The following CBFA2T2 variants were observed in gnomAD, a reference collection of about 807,000 sequenced individuals.
CBFA2T2 encodes the protein protein CBFA2T2.
In CBFA2T2, 11 loss-of-function variants were observed where a neutral mutation model predicts 62.2. The ratio of observed to expected loss-of-function variants is 0.18; its 90% CI spans 0.11 to 0.29. The LOEUF (loss-of-function observed/expected upper bound fraction) is 0.29. Ranked by LOEUF, CBFA2T2 falls within the 10% of genes least tolerant of loss-of-function variation. CBFA2T2 has a pLI of 1.00. For synonymous variants in CBFA2T2, 295 were observed against 287.5 expected (o/e 1.03, Z -0.27); for missense variants, 592 against 774.1 (o/e 0.76, Z 2.79).
intron 1 of CBFA2T2, among the ~76,000 whole-genome samples, chr20:33,507,972 G>C (rs1354926907): frequency 4.6e-5 from 7 of 152,130 alleles, no homozygotes; most frequent in African/African-American, 1.7e-4. Context: ...TGAAGTTGAG[G>C]CTGGGTCAGG....
At chr20:33,594,609 TGAATCGTAG>T (rs2014809592) in intron 1 of CBFA2T2, among the ~76,000 whole-genome samples, 1 of 152,192 alleles carries the variant, frequency 6.6e-6, no homozygotes, top group African/African-American at 2.4e-5. Flanking sequence ...CCTGGCTTTT[TGAATCGTAG>T]GAAAGCCATT....
In CBFA2T2 at chr20:33,644,904, T is replaced by C; in HGVS notation, c.*258T>C. On this transcript the variant is annotated 3_prime_UTR_variant, in exon 11 of 11. Transcript: ENST00000342704. ...CCATGGCTTTCCTGGTTTGTTCCTC[T>C]CTCCACTGAAGCTGACTTAGCCGGC... 2.1e-6 allele frequency: 1 copy of C among 479,222 alleles called. No individual in the cohort carries two copies. The highest frequency in any genetic ancestry group is 3.7e-6 in the Non-Finnish European group (1 of 270,758). The allele number at this position is 479,222 out of a possible 1,614,324, so 29.7% of individuals were successfully genotyped here. A position where few individuals can be genotyped will look rare whatever the true frequency, so the allele number is the denominator to read the frequency against.
intron 1 of CBFA2T2, among the ~76,000 whole-genome samples, chr20:33,550,265 AATT>A (rs2012701780): frequency 6.6e-6 from 1 of 152,170 alleles, no homozygotes; most frequent in African/African-American, 2.4e-5. Flanking sequence ...GTAGTCTTGA[AATT>A]ATTAATTTTT....
chr20:33,613,800 G>C (rs930015812), intron 3 of CBFA2T2, among the ~76,000 whole-genome samples: 1 of 152,108 alleles, frequency 6.6e-6, no homozygotes. Context: ...TCCAGAGTAA[G>C]GTTATTGGAG....
At chr20:33,627,870 T>C (rs956030442) in intron 6 of CBFA2T2, among the ~76,000 whole-genome samples, 1 of 152,198 alleles carries the variant, frequency 6.6e-6, no homozygotes, top group African/African-American at 2.4e-5. Context: ...ACACAGTTGT[T>C]CCATTCCTGG....
At chr20:33,493,074 T>G (rs1009961592) in intron 1 of CBFA2T2, among the ~76,000 whole-genome samples, 1 of 143,340 alleles carries the variant, frequency 7.0e-6, no homozygotes, top group Non-Finnish European at 1.5e-5. Context: ...TTTGGTTTTT[T>G]TTTTTTTTTT....
chr20:33,520,396 A>G (rs567063345), intron 1 of CBFA2T2, among the ~76,000 whole-genome samples: 224 of 152,268 alleles, frequency 1.5e-3, no homozygotes, highest in Non-Finnish European at 2.2e-3. Flanking sequence ...TTGGTAACCA[A>G]GCTCTCATAT....
At chr20:33,518,392 A>G (rs1227763533) in intron 1 of CBFA2T2, among the ~76,000 whole-genome samples, 3 of 152,094 alleles carry the variant, frequency 2.0e-5, no homozygotes, top group African/African-American at 7.2e-5. Flanking sequence ...GAGCCAGTCT[A>G]TGGACTAGGT....
In CBFA2T2 at chr20:33,636,656, C is replaced by A; in HGVS notation, c.1245C>A (p.Phe415Leu). 1 of 1,613,500 alleles carries A rather than the reference C, an allele frequency of 6.2e-7. No homozygotes were observed. The highest frequency in any genetic ancestry group is 1.1e-5 in the South Asian group (1 of 91,004). Residue 415 changes from phenylalanine to leucine, a missense_variant, in exon 9 of 11, where the codon TTC (phenylalanine) becomes TTA (leucine). Coordinates refer to ENST00000342704, the MANE Select transcript of CBFA2T2 (RefSeq NM_001032999.3). ...DSLSNDSQRE[F>L]NSRPGTGYVP... is the part of the protein sequence containing the mutation. ...CTTCTGCAGATTCTCAGAGAGAGTT[C>A]AACAGCAGGCCAGGTACAGGATACG... is the stretch of plus-strand genomic sequence containing the variant.
At chr20:33,606,647 CTCTGTG>C (rs1159245609) in intron 1 of CBFA2T2, among the ~76,000 whole-genome samples, 42 of 152,128 alleles carry the variant, frequency 2.8e-4, no homozygotes, top group African/African-American at 9.1e-4. Context: ...CTGTGTATGT[CTCTGTG>C]TCTGTGTCTC....
In CBFA2T2 at chr20:33,607,112, A is replaced by C; in HGVS notation, c.178+13A>C. 6.2e-7 allele frequency: 1 copy of C among 1,610,782 alleles called. No individual in the cohort carries two copies. The highest frequency in any genetic ancestry group is 8.5e-7 in the Non-Finnish European group (1 of 1,177,748). ...ACTCCTACTGCATGTGAGACCTCTT[A>C]GTTACTTATGTTTGTAGTTCAGAGT... On this transcript the variant is annotated intron_variant, in intron 2 of 10. Coordinates refer to ENST00000342704, the MANE Select transcript of CBFA2T2 (RefSeq NM_001032999.3).
chr20:33,523,217 A>C (rs935052278), intron 1 of CBFA2T2, among the ~76,000 whole-genome samples: 1 of 152,088 alleles, frequency 6.6e-6, no homozygotes, highest in African/African-American at 2.4e-5. Flanking sequence ...TTCCCAGGTG[A>C]TTCATATGAA....
chr20:33,574,063 A>T, intron 1 of CBFA2T2: 1 of 1,388,788 alleles, frequency 7.2e-7, no homozygotes, highest in Non-Finnish European at 9.6e-7. Flanking sequence ...TGCTGGGATT[A>T]CAGGCAAGAG....
intron 1 of CBFA2T2, among the ~76,000 whole-genome samples, chr20:33,502,095 C>G (rs535881664): frequency 1.3e-5 from 2 of 152,128 alleles, no homozygotes; most frequent in African/African-American, 4.8e-5. Context: ...TGGCACTAGC[C>G]GGGATTATAG....
At position 33,554,373 on chromosome 20, in the gene CBFA2T2, C is replaced by T. The variant is rs556074962; in HGVS notation, c.35-52583C>T. ...GTTCAAGTGATTCTCCTGCCTCAGT[C>T]TCCTGAGTGGGATTACAGGCTTGTG... On this transcript the variant is annotated intron_variant, in intron 1 of 10. Transcript: ENST00000342704. Among the ~76,000 whole-genome samples, 337 of 150,620 alleles carry T rather than the reference C, an allele frequency of 2.2e-3. 1 individual carries two copies. The highest frequency in any genetic ancestry group is 3.9e-3 in the Admixed American group (59 of 15,028).
At chr20:33,595,757 C>T (rs1395638191) in intron 1 of CBFA2T2, among the ~76,000 whole-genome samples, 2 of 151,836 alleles carry the variant, frequency 1.3e-5, no homozygotes, top group African/African-American at 4.8e-5. Flanking sequence ...CCAGGCTGGT[C>T]TTGTACTTCT....
At chr20:33,567,337 T>TA (rs1402242574) in intron 1 of CBFA2T2, among the ~76,000 whole-genome samples, 1 of 152,200 alleles carries the variant, frequency 6.6e-6, no homozygotes, top group Non-Finnish European at 1.5e-5. Flanking sequence ...TCTGTATATG[T>TA]ATACATATTA....
At chr20:33,570,721 G>A (rs905239154) in intron 1 of CBFA2T2, among the ~76,000 whole-genome samples, 3 of 152,162 alleles carry the variant, frequency 2.0e-5, no homozygotes, top group Non-Finnish European at 2.9e-5. Context: ...TTCTGTCATT[G>A]TACATACTGA....
At chr20:33,548,791 A>G (rs1193874725) in intron 1 of CBFA2T2, among the ~76,000 whole-genome samples, 2 of 151,896 alleles carry the variant, frequency 1.3e-5, no homozygotes, top group Non-Finnish European at 2.9e-5. Context: ...CCCTGTGTCT[A>G]CCCTTCCCCC....
Sources: allele counts gnomAD v4.1 joint callset (sites outside exome capture counted in the v4.1 genomes callset), GRCh38; gene constraint gnomAD v4.1.1; transcripts MANE v1.5; gene names NCBI Gene and HGNC (gene_info 2026-07-23, HGNC 2026-07-21).